CUBN: variants seen among roughly 807,000 people sequenced by gnomAD.
The protein encoded by CUBN is cubilin.
A neutral mutation model predicts 405.3 loss-of-function variants in CUBN; 282 were observed. That is an observed-to-expected ratio of 0.70 (90% CI 0.63 to 0.77). CUBN has a LOEUF of 0.77. CUBN is among the 30% of genes least tolerant of loss of function. The pLI is 0.00. For missense variants in CUBN, 4,514 were observed against 4,475.2 expected, an observed-to-expected ratio of 1.01 and a Z score of -0.25; for synonymous variants, 1,684 against 1,617.0, an observed-to-expected ratio of 1.04 and a Z score of -0.99.
chr10:16,898,331 G>A (rs1841253907), intron 54 of CUBN, among the ~76,000 whole-genome samples: 1 of 152,144 alleles, frequency 6.6e-6, no homozygotes, highest in South Asian at 2.1e-4. Context: ...TAACTTAAAG[G>A]CCAATTGTTT....
At position 16,940,175 on chromosome 10, in the gene CUBN, T is replaced by C. The variant is rs765059540; in HGVS notation, c.5405A>G (p.Asn1802Ser). ...TCGTCCCACCAAGTGACCCGTGGCA[T>C]TTCCTTCACGGATCTCCACAAAATC... ...SRDFVEIREG[N>S]ATGHLVGRYC... The change falls in exon 37 of 67, where the codon AAT becomes AGT. Residue 1802 changes from asparagine (N) to serine (S), a missense_variant. By Grantham distance (46) the Asn-to-Ser change is conservative. Coordinates refer to ENST00000377833, the MANE Select transcript of CUBN (RefSeq NM_001081.4). 8.1e-6 allele frequency: 13 copies of C among 1,614,108 alleles called. No homozygotes were observed. The East Asian group carries it at 2.7e-4, about 33-fold the overall frequency.
At chr10:17,117,595 T>C (rs954492912) in intron 6 of CUBN, among the ~76,000 whole-genome samples, 12 of 152,010 alleles carry the variant, frequency 7.9e-5, no homozygotes, top group Non-Finnish European at 1.2e-4. Flanking sequence ...GTGAAACCAA[T>C]TGATTAGTTA....
At chr10:17,057,447 G>A (rs1394912215) in intron 22 of CUBN, among the ~76,000 whole-genome samples, 1 of 152,080 alleles carries the variant, frequency 6.6e-6, no homozygotes, top group Non-Finnish European at 1.5e-5. Context: ...CTTCCATCTG[G>A]TCTGGTGTGG....
intron 28 of CUBN, among the ~76,000 whole-genome samples, chr10:17,019,369 C>T (rs962686118): frequency 1.3e-5 from 2 of 152,102 alleles, no homozygotes; most frequent in Admixed American, 6.6e-5. Context: ...CCTCTCAGGC[C>T]AACCCTACCC....
chr10:17,027,080 G>T (rs1031026606), intron 27 of CUBN, among the ~76,000 whole-genome samples: 2 of 152,212 alleles, frequency 1.3e-5, no homozygotes, highest in African/African-American at 4.8e-5. Flanking sequence ...GTGGTGGCTA[G>T]TTGCTGTCTG....
intron 27 of CUBN, among the ~76,000 whole-genome samples, chr10:17,028,449 G>A (rs1179086343): frequency 2.0e-5 from 3 of 151,824 alleles, no homozygotes; most frequent in Admixed American, 6.6e-5. Context: ...TGCCGGGTGC[G>A]ATGGTTCACG....
At chr10:16,884,129 G>C (rs1047962614) in intron 56 of CUBN, among the ~76,000 whole-genome samples, 2 of 152,042 alleles carry the variant, frequency 1.3e-5, no homozygotes, top group Admixed American at 1.3e-4. Flanking sequence ...ACAGGGGCCC[G>C]CCACCACGCC....
intron 14 of CUBN, among the ~76,000 whole-genome samples, chr10:17,094,802 T>C (rs1427672286): frequency 6.6e-6 from 1 of 152,002 alleles, no homozygotes; most frequent in Admixed American, 6.6e-5. Flanking sequence ...GTCCATACTA[T>C]GCAAAGCAGT....
chr10:16,947,077 T>C (rs1842806052), intron 36 of CUBN, among the ~76,000 whole-genome samples, 158 bp downstream of exon 36: 1 of 152,198 alleles, frequency 6.6e-6, no homozygotes, highest in Admixed American at 6.5e-5. Flanking sequence ...AGAAACTTCA[T>C]GCTATTTATA....
At chr10:16,967,973 G>A (rs1419571556) in intron 31 of CUBN, among the ~76,000 whole-genome samples, 3 of 138,076 alleles carry the variant, frequency 2.2e-5, no homozygotes, top group Non-Finnish European at 4.7e-5. Flanking sequence ...CAGAAAGACA[G>A]GGAGAGAGAG....
chr10:17,096,669 G>A (rs547634461), intron 14 of CUBN, among the ~76,000 whole-genome samples: 1 of 152,036 alleles, frequency 6.6e-6, no homozygotes, highest in South Asian at 2.1e-4. Flanking sequence ...GTTAATATAG[G>A]TAGAGGACTA....
rs1564465787 is a variant in CUBN, at chr10:16,990,516, C to G, written c.4169-1G>C. 1.2e-6 allele frequency: 2 copies of G among 1,614,106 alleles called. No individual in the cohort carries two copies. Among genetic ancestry groups the G allele is most frequent in the Non-Finnish European group, 1.7e-6 (2 of 1,180,032 alleles). On this transcript the variant is annotated splice_acceptor_variant, in intron 28 of 66. Transcript: ENST00000377833. LOFTEE classifies it high-confidence loss of function. ...GCCCCAGACAGCTCTCCACCACAAC[C>G]TGTTAAAACAGAAAGGTTCAGTCAG...
intron 27 of CUBN, among the ~76,000 whole-genome samples, chr10:17,026,625 T>TTC (rs1834671772): frequency 1.6e-5 from 2 of 124,244 alleles, no homozygotes; most frequent in Non-Finnish European, 3.6e-5. Flanking sequence ...CAGAGCAAGA[T>TTC]TCTCTCAAAA....
chr10:16,893,821 T>C (rs1841105006), intron 54 of CUBN, among the ~76,000 whole-genome samples: 1 of 152,214 alleles, frequency 6.6e-6, no homozygotes, highest in African/African-American at 2.4e-5. Context: ...GCTATTTATA[T>C]AGATTCGTAA....
At chr10:16,901,525 TA>T in intron 51 of CUBN, 66 bp from the exon 52 acceptor site, 7 of 1,587,796 alleles carry the variant, frequency 4.4e-6, no homozygotes, top group Non-Finnish European at 6.0e-6. Flanking sequence ...AATGCCAAAG[TA>T]AGTAGTAATC....
chr10:16,864,506 A>C (rs1840108160), intron 59 of CUBN, among the ~76,000 whole-genome samples: 1 of 152,136 alleles, frequency 6.6e-6, no homozygotes, highest in Admixed American at 6.5e-5. Flanking sequence ...TCACATTCTT[A>C]AATAGTTGTA....
At chr10:16,973,415 G>A (rs958248223) in intron 31 of CUBN, among the ~76,000 whole-genome samples, 1 of 152,188 alleles carries the variant, frequency 6.6e-6, no homozygotes, top group Non-Finnish European at 1.5e-5. Context: ...AGGAAGATTC[G>A]AAAGTGGGCT....
At chr10:17,020,685 C>T (rs906475108) in intron 27 of CUBN, among the ~76,000 whole-genome samples, 25 of 152,164 alleles carry the variant, frequency 1.6e-4, no homozygotes, top group African/African-American at 5.1e-4. Context: ...TGTGTTTATA[C>T]ATTTGAGCTA....
chr10:16,881,386 A>G (rs1396351466), intron 56 of CUBN, among the ~76,000 whole-genome samples: 2 of 152,222 alleles, frequency 1.3e-5, no homozygotes, highest in African/African-American at 4.8e-5. Flanking sequence ...GATTAAAGGA[A>G]CTAGTTGAAA....
Sources: gnomAD v4.1 joint callset for allele counts (sites outside exome capture counted in the v4.1 genomes callset) on GRCh38, gnomAD v4.1.1 for gene constraint, MANE v1.5 for transcripts, NCBI Gene and HGNC (gene_info 2026-07-23, HGNC 2026-07-21) for gene names.